The following MTA3 variants were observed in gnomAD, a reference collection of about 807,000 sequenced individuals.
MTA3 encodes metastasis-associated protein MTA3.
In MTA3, 34 loss-of-function variants were observed where a neutral mutation model predicts 83.5. The observed-to-expected ratio is 0.41, with a 90% CI of 0.31 to 0.54. MTA3 has a LOEUF of 0.54. Among genes scored for constraint, MTA3 ranks in the 20% least tolerant of loss-of-function variants. MTA3 has a pLI of 0.33. For synonymous variants in MTA3, 303 were observed against 252.7 expected (o/e 1.20, Z -1.89); for missense variants, 761 against 726.4 (o/e 1.05, Z -0.55).
chr2:42,655,665 C>G lies in MTA3; in HGVS notation c.500-535C>G, dbSNP rs540851626. On this transcript the variant is annotated intron_variant, in intron 6 of 16. Transcript: ENST00000405094. ...TCGCCCAGGTTGGAGTACAGTGGCG[C>G]AATCTCAGCTCACTGCAACCTCTAC... is the stretch of plus-strand genomic sequence containing the variant. 2.0e-5 allele frequency among the ~76,000 whole-genome samples: 3 copies of G among 152,286 alleles called. No individual in the cohort carries two copies. The South Asian group carries it at 6.2e-4, about 32-fold the overall frequency.
intron 2 of MTA3, among the ~76,000 whole-genome samples, chr2:42,513,573 G>T (rs1674996970): frequency 6.6e-6 from 1 of 152,166 alleles, no homozygotes; most frequent in Non-Finnish European, 1.5e-5. Context: ...CCATGGAATG[G>T]TATAACCAGG....
intron 16 of MTA3, among the ~76,000 whole-genome samples, chr2:42,727,374 G>A (rs1206141487): frequency 3.9e-5 from 6 of 152,178 alleles, no homozygotes; most frequent in South Asian, 2.1e-4. Flanking sequence ...GCAGTGTGCC[G>A]TATGCTGTCA....
At chr2:42,505,770 A>ATTT (rs370638507) in intron 2 of MTA3, among the ~76,000 whole-genome samples, 31,961 of 138,930 alleles carry the variant, frequency 0.23, 3,882 homozygotes, top group Middle Eastern at 0.26. Context: ...CAAATTGATA[A>ATTT]TTTTTTTTTT....
intron 2 of MTA3, among the ~76,000 whole-genome samples, 179 bp downstream of exon 2, chr2:42,570,683 A>G (rs973638748): frequency 1.3e-5 from 2 of 151,464 alleles, no homozygotes; most frequent in East Asian, 3.9e-4. Context: ...ACATAGTGAG[A>G]CCCTATCTCT....
intron 3 of MTA3, among the ~76,000 whole-genome samples, chr2:42,593,775 A>G (rs1158249576): frequency 6.6e-6 from 1 of 152,076 alleles, no homozygotes; most frequent in Non-Finnish European, 1.5e-5. Context: ...TAGCCACTGC[A>G]TTTCAGCAGC....
chr2:42,667,610 A>G (rs867949543), intron 8 of MTA3, among the ~76,000 whole-genome samples: 13,746 of 42,214 alleles, frequency 0.33, 920 homozygotes, highest in South Asian at 0.4. Context: ...GTGTGTGTGT[A>G]TAGAGAGAGA....
intron 12 of MTA3, among the ~76,000 whole-genome samples, chr2:42,706,423 A>G (rs1160909451): frequency 6.6e-6 from 1 of 152,244 alleles, no homozygotes; most frequent in African/African-American, 2.4e-5. Flanking sequence ...AAAAGCCTAA[A>G]ATAATAATCC....
upstream of MTA3, among the ~76,000 whole-genome samples, chr2:42,567,797 T>C (rs1677988578): frequency 6.6e-6 from 1 of 152,152 alleles, no homozygotes; most frequent in Admixed American, 6.6e-5. Context: ...CAATCTCCTC[T>C]GTTTGGGGGT....
chr2:42,667,621 AAGAGAGAGAGAGAGAGAGAG>A (rs70963342), intron 8 of MTA3, among the ~76,000 whole-genome samples: 7 of 114,076 alleles, frequency 6.1e-5, no homozygotes, highest in Non-Finnish European at 1.1e-4. Context: ...TAGAGAGAGA[AAGAGAGAGAGAGAGAGAGAG>A]AGAGAGAGAG....
At chr2:42,598,627 G>A (rs1396299496) in intron 3 of MTA3, among the ~76,000 whole-genome samples, 1 of 152,144 alleles carries the variant, frequency 6.6e-6, no homozygotes, top group Non-Finnish European at 1.5e-5. Flanking sequence ...TTTTGGATAA[G>A]ATAAATATAC....
intron 2 of MTA3, among the ~76,000 whole-genome samples, chr2:42,547,779 A>AT (rs1676826563): frequency 6.6e-6 from 1 of 152,210 alleles, no homozygotes; most frequent in Non-Finnish European, 1.5e-5. Context: ...GGACTCAAAT[A>AT]AAGAAGTACA....
At chr2:42,499,077 A>T (rs1418552630) in intron 2 of MTA3, among the ~76,000 whole-genome samples, 1 of 152,212 alleles carries the variant, frequency 6.6e-6, no homozygotes, top group Non-Finnish European at 1.5e-5. Flanking sequence ...TCAGTTATAT[A>T]GGATGAATAA....
chr2:42,553,425 A>T (rs1300511820), intron 2 of MTA3, among the ~76,000 whole-genome samples: 1 of 147,522 alleles, frequency 6.8e-6, no homozygotes, highest in Non-Finnish European at 1.5e-5. Context: ...CTCCATCTCA[A>T]AAAAAAAAAA....
intron 16 of MTA3, among the ~76,000 whole-genome samples, chr2:42,731,143 A>G (rs1006222309): frequency 6.6e-6 from 1 of 152,166 alleles, no homozygotes; most frequent in African/African-American, 2.4e-5. Flanking sequence ...ATAATTTCAA[A>G]AAATCACCTT....
chr2:42,626,485 A>G (rs1424301370), intron 4 of MTA3, among the ~76,000 whole-genome samples: 1 of 150,576 alleles, frequency 6.6e-6, no homozygotes, highest in Non-Finnish European at 1.5e-5. Flanking sequence ...TTTAGTAGAG[A>G]TGGGGTTTCA....
intron 2 of MTA3, among the ~76,000 whole-genome samples, chr2:42,543,142 G>A (rs1676596512): frequency 6.6e-6 from 1 of 152,050 alleles, no homozygotes; most frequent in Admixed American, 6.6e-5. Context: ...GGCATCAACT[G>A]TTTGCTGGAA....
At chr2:42,590,421 C>G (rs1680829236) in intron 3 of MTA3, among the ~76,000 whole-genome samples, 1 of 152,096 alleles carries the variant, frequency 6.6e-6, no homozygotes, top group African/African-American at 2.4e-5. Flanking sequence ...TACTGGTTCC[C>G]CTTCACCTTC....
At chr2:42,752,259 C>G in intron 16 of MTA3, 1 of 471,452 alleles carries the variant, frequency 2.1e-6, no homozygotes, top group Non-Finnish European at 4.4e-6. Flanking sequence ...GAAGACACAG[C>G]TCTGCTCCAT....
chr2:42,660,405 A>ATT (rs1689580532), intron 8 of MTA3, among the ~76,000 whole-genome samples: 2 of 152,160 alleles, frequency 1.3e-5, no homozygotes, highest in African/African-American at 4.8e-5. Flanking sequence ...TATTTTCTAT[A>ATT]TAATTTTATT....
Sources: gnomAD v4.1 joint callset for allele counts (sites outside exome capture counted in the v4.1 genomes callset) on GRCh38, gnomAD v4.1.1 for gene constraint, MANE v1.5 for transcripts, NCBI Gene and HGNC (gene_info 2026-07-23, HGNC 2026-07-21) for gene names.